CLUL1: variants seen among roughly 807,000 people sequenced by gnomAD.
The protein encoded by CLUL1 is clusterin like 1, also known as clusterin-like protein 1.
Under a neutral mutation model 49.4 loss-of-function variants are expected in CLUL1, and 43 were observed. That is an observed-to-expected ratio of 0.87 (90% CI 0.68 to 1.12). The LOEUF (loss-of-function observed/expected upper bound fraction) is 1.12, where lower values mean the gene tolerates loss of function less well. Among genes scored for constraint, CLUL1 ranks in the 50% most tolerant of loss-of-function variants. The pLI is 0.00. For missense variants in CLUL1, 486 were observed against 544.4 expected (o/e 0.89, Z 1.07); for synonymous variants, 192 against 184.9 (o/e 1.04, Z -0.31).
At chr18:608,876 T>A (rs576844224) in intron 2 of CLUL1, among the ~76,000 whole-genome samples, 2 of 152,326 alleles carry the variant, frequency 1.3e-5, no homozygotes, top group Non-Finnish European at 2.9e-5. Flanking sequence ...ATGCATATAA[T>A]TTACTTGACC....
intron 7 of CLUL1, among the ~76,000 whole-genome samples, chr18:638,943 A>T (rs1384805978): frequency 6.6e-6 from 1 of 152,176 alleles, no homozygotes; most frequent in African/African-American, 2.4e-5. Flanking sequence ...TCCCATCCAC[A>T]TCACATTCAC....
At position 619,481 on chromosome 18, in the gene CLUL1, T is replaced by A. The variant is rs534476522; in HGVS notation, c.255+120T>A. On this transcript the variant is annotated intron_variant, in intron 4 of 9. Transcript: ENST00000692774. Reference sequence around the variant, plus strand: ...GTAATAAATTTCATGGGTAGCTGCTTTTATTTGAGGAAAAGTTTAAGGGAA... The same window carrying A: ...GTAATAAATTTCATGGGTAGCTGCTATTATTTGAGGAAAAGTTTAAGGGAA... 3.2e-3 allele frequency: 3,052 copies of A among 952,712 alleles called. 11 individuals carry two copies. The highest frequency in any genetic ancestry group is 3.7e-3 in the Non-Finnish European group (2,478 of 671,148). The allele number at this position is 952,712 out of a possible 1,614,324, so 59.0% of individuals were successfully genotyped here. A position where few individuals can be genotyped will look rare whatever the true frequency, so the allele number is the denominator to read the frequency against.
chr18:603,075 G>C (rs2072876409), intron 1 of CLUL1, among the ~76,000 whole-genome samples: 1 of 152,162 alleles, frequency 6.6e-6, no homozygotes, highest in Non-Finnish European at 1.5e-5. Context: ...TGAACAATCA[G>C]AATCAACTAG....
In CLUL1 at chr18:643,451, C is replaced by T. The variant is rs566242026; in HGVS notation, c.1210-1459C>T. ...TCGCATATATAGACTTTTAGTTTAA[C>T]GAGGAAAAAGTCTTGTATTGAAGAA... On this transcript the variant is annotated intron_variant, in intron 8 of 9. Transcript: ENST00000692774. Among the ~76,000 whole-genome samples the T allele has an allele frequency of 2.3e-4, 35 of 152,154 alleles. 1 individual carries two copies. The South Asian group carries it at 3.7e-3, about 16-fold the overall frequency.
Position 619,567 on chromosome 18 carries a change from C to T in CLUL1, c.255+206C>T, listed in dbSNP as rs141085752. 4.1e-4 allele frequency among the ~76,000 whole-genome samples: 63 copies of T among 152,208 alleles called. 1 individual carries two copies. The highest frequency in any genetic ancestry group is 1.5e-3 in the East Asian group (8 of 5,180). ...GATAGGCTTCTGCAAGACTCCAACC[C>T]GGAATCTGGGGGATTCATCTCTGTT... On this transcript the variant is annotated intron_variant, in intron 4 of 9. Coordinates refer to ENST00000692774, the MANE Select transcript of CLUL1 (RefSeq NM_001393344.1).
chr18:631,039 C>T (rs1353002016), intron 6 of CLUL1, among the ~76,000 whole-genome samples: 1 of 152,024 alleles, frequency 6.6e-6, no homozygotes, highest in Non-Finnish European at 1.5e-5. Context: ...GAGCAAGTTC[C>T]GTGTGGCAAC....
chr18:626,015 G>A (rs2073678340), intron 5 of CLUL1, among the ~76,000 whole-genome samples: 1 of 152,182 alleles, frequency 6.6e-6, no homozygotes, highest in South Asian at 2.1e-4. Context: ...GTGATCTTAT[G>A]AACATTTCTT....
At chr18:631,112 C>A (rs2073982862) in intron 6 of CLUL1, among the ~76,000 whole-genome samples, 1 of 152,082 alleles carries the variant, frequency 6.6e-6, no homozygotes, top group African/African-American at 2.4e-5. Context: ...AAATAGCTAA[C>A]ACTGAATTAT....
rs1042635595 is a variant in CLUL1 at position 622,560 on chromosome 18, C to A, written c.256-2305C>A. ...ACAATGTCTAGCAGGAAACGGAAGG[C>A]GTCGATAGGATATTCCTTAGGAATG... On this transcript the variant is annotated intron_variant, in intron 4 of 9. Transcript: ENST00000692774. 2.0e-5 allele frequency among the ~76,000 whole-genome samples: 3 copies of A among 152,150 alleles called. No individual in the cohort carries two copies. The East Asian group carries it at 5.8e-4, about 29-fold the overall frequency.
At chr18:603,723 G>C (rs2072892789) in intron 1 of CLUL1, among the ~76,000 whole-genome samples, 1 of 152,130 alleles carries the variant, frequency 6.6e-6, no homozygotes, top group South Asian at 2.1e-4. Flanking sequence ...CCACAATCAA[G>C]ATATTCAAGC....
intron 9 of CLUL1, among the ~76,000 whole-genome samples, chr18:647,024 C>T (rs1314608557): frequency 6.6e-5 from 10 of 151,936 alleles, no homozygotes; most frequent in Non-Finnish European, 1.3e-4. Flanking sequence ...GTGCTGGGAT[C>T]ACAGGCATGA....
rs770373277 is a variant in CLUL1 at position 649,884 on chromosome 18, T to G, written c.1398-14T>G. The G allele has an allele frequency of 7.9e-6, 11 of 1,398,816 alleles. No individual in the cohort carries two copies. Among genetic ancestry groups the G allele is most frequent in the Non-Finnish European group, 1.1e-5 (11 of 994,966 alleles). The allele number at this position is 1,398,816 out of a possible 1,614,324, so 86.7% of individuals were successfully genotyped here. ...AGTATTTTGATCATTGCTGCCTTTTTTTTTTTTTTTAAGGTAAGAAGATCT... is the reference window on the plus strand; with the variant it reads ...AGTATTTTGATCATTGCTGCCTTTTGTTTTTTTTTTAAGGTAAGAAGATCT... On this transcript the variant is annotated splice_polypyrimidine_tract_variant and intron_variant, in intron 9 of 9. Transcript: ENST00000692774.
chr18:622,897 C>T (rs1484313682), intron 4 of CLUL1, among the ~76,000 whole-genome samples: 1 of 152,048 alleles, frequency 6.6e-6, no homozygotes, highest in Non-Finnish European at 1.5e-5. Context: ...AAGTAATTTG[C>T]CCAAGGGTAC....
chr18:643,262 A>T (rs2074391182), intron 8 of CLUL1, among the ~76,000 whole-genome samples: 1 of 152,150 alleles, frequency 6.6e-6, no homozygotes, highest in Non-Finnish European at 1.5e-5. Flanking sequence ...ATATGTAGAC[A>T]TACGTGTGTG....
At chr18:603,560 A>T (rs927327820) in intron 1 of CLUL1, among the ~76,000 whole-genome samples, 1 of 152,178 alleles carries the variant, frequency 6.6e-6, no homozygotes, top group Admixed American at 6.5e-5. Flanking sequence ...TCCATCATTA[A>T]CATCTTATGC....
chr18:599,902 C>T (rs752731213), intron 1 of CLUL1, among the ~76,000 whole-genome samples: 1 of 150,836 alleles, frequency 6.6e-6, no homozygotes, highest in African/African-American at 2.4e-5. Context: ...GAGCCGAGAT[C>T]GCGCCACTGC....
At chr18:608,320 G>A (rs939629410) in intron 2 of CLUL1, among the ~76,000 whole-genome samples, 2 of 152,092 alleles carry the variant, frequency 1.3e-5, no homozygotes, top group African/African-American at 2.4e-5. Context: ...ACCCAAGTGA[G>A]AATAATTATG....
chr18:635,760 T>TA (rs1439947297), intron 7 of CLUL1, among the ~76,000 whole-genome samples: 2 of 152,096 alleles, frequency 1.3e-5, no homozygotes, highest in South Asian at 4.1e-4. Flanking sequence ...ATGGAATTGT[T>TA]ACAACCGTTT....
chr18:619,177 C>G (rs1180128666), intron 3 of CLUL1, 36 bp from the exon 4 acceptor site: 3 of 1,600,946 alleles, frequency 1.9e-6, no homozygotes, highest in Non-Finnish European at 2.6e-6. Flanking sequence ...GTAATCTGAT[C>G]AGATCTCAAA....
Sources: gnomAD v4.1 joint callset for allele counts (sites outside exome capture counted in the v4.1 genomes callset) on GRCh38, gnomAD v4.1.1 for gene constraint, MANE v1.5 for transcripts, NCBI Gene and HGNC (gene_info 2026-07-23, HGNC 2026-07-21) for gene names.